Variants in KIF15 observed in about 807,000 individuals in gnomAD.
KIF15 encodes kinesin family member 15, also known as kinesin-like protein KIF15.
In KIF15, 140 loss-of-function variants were observed where a neutral mutation model predicts 190.6. The observed-to-expected ratio is 0.73, with a 90% CI of 0.64 to 0.84. KIF15 has a LOEUF of 0.84. KIF15 is among the 40% of genes least tolerant of loss of function. KIF15 has a pLI of 0.00. For missense variants in KIF15, 1,372 were observed against 1,584.4 expected, an observed-to-expected ratio of 0.87 and a Z score of 2.28; for synonymous variants, 528 against 551.3, an observed-to-expected ratio of 0.96 and a Z score of 0.59.
chr3:44,825,983 T>G, intron 20 of KIF15, 56 bp from the exon 21 acceptor site: 1 of 1,449,296 alleles, frequency 6.9e-7, no homozygotes, highest in Non-Finnish European at 9.4e-7. Context: ...ATGATCTGAT[T>G]AATAGAAATA....
Position 44,802,836 on chromosome 3 carries a change from C to G in KIF15, c.1532C>G (p.Ala511Gly). The G allele has an allele frequency of 6.3e-7, 1 of 1,588,568 alleles. No individual in the cohort carries two copies. The highest frequency in any genetic ancestry group is 2.2e-5 in the East Asian group (1 of 44,514). The change falls in exon 14 of 35, where the codon GCA (alanine) becomes GGA (glycine). Residue 511 changes from alanine to glycine, a missense_variant. Physicochemically the swap from Ala to Gly is moderately conservative, Grantham distance 60 (BLOSUM62 0). Transcript: ENST00000326047. Reference protein sequence around the residue: ...REQIEHHPRVAKYAMENHSLR... With the variant: ...REQIEHHPRVGKYAMENHSLR... The stretch of plus-strand genomic sequence containing the variant: ...CAGATAGAGCACCACCCCAGAGTTG[C>G]AAAGTATGCTATGGAAAATCATTCC...
Position 44,852,775 on chromosome 3 carries a change from A to C in KIF15, c.*40A>C. 6.6e-7 allele frequency: 1 copy of C among 1,519,710 alleles called. No individual in the cohort carries two copies. The allele number at this position is 1,519,710 out of a possible 1,614,324, so 94.1% of individuals were successfully genotyped here. On this transcript the variant is annotated 3_prime_UTR_variant, in exon 35 of 35. Transcript: ENST00000326047. ...TACCTAGGCATCACCTTGTTTGAAGATGTTTCTTCTCTTTTACAAGTAAGA... is the reference window on the plus strand; with the variant it reads ...TACCTAGGCATCACCTTGTTTGAAGCTGTTTCTTCTCTTTTACAAGTAAGA...
chr3:44,820,031 G>C (rs1708192600), intron 20 of KIF15, among the ~76,000 whole-genome samples: 1 of 152,032 alleles, frequency 6.6e-6, no homozygotes, highest in African/African-American at 2.4e-5. Flanking sequence ...ATCTTTGTTG[G>C]TTTAAAGTCT....
At chr3:44,769,117 C>T (rs541957829) in intron 1 of KIF15, among the ~76,000 whole-genome samples, 25 of 152,120 alleles carry the variant, frequency 1.6e-4, no homozygotes, top group Non-Finnish European at 2.5e-4. Flanking sequence ...ATTAACTTTT[C>T]GCAGTTTAGA....
chr3:44,784,861 T>C lies in KIF15; in HGVS notation c.378T>C (p.Asp126=), dbSNP rs1247899418. 2.3e-5 allele frequency: 35 copies of C among 1,549,340 alleles called. No individual in the cohort carries two copies. The highest frequency in any genetic ancestry group is 8.8e-7 in the Non-Finnish European group (1 of 1,135,980). The change falls in exon 6 of 35, where the codon GAT becomes GAC. Residue 126 remains aspartate, a synonymous_variant. Transcript: ENST00000326047. ...TTTTTTTAGGACCATCTGAATCTGA[T>C]AATTTTTCTCATAACCTGAGAGGAG... ...TFTMMGPSES[D]NFSHNLRGVI...
intron 26 of KIF15, among the ~76,000 whole-genome samples, chr3:44,836,861 C>A (rs1004739801): frequency 6.6e-6 from 1 of 152,140 alleles, no homozygotes; most frequent in Non-Finnish European, 1.5e-5. Flanking sequence ...GAAAGGTAAC[C>A]ATGTGTGGAA....
chr3:44,791,185 GTT>G (rs1227815791), intron 7 of KIF15, among the ~76,000 whole-genome samples: 5 of 151,068 alleles, frequency 3.3e-5, no homozygotes, highest in Non-Finnish European at 5.9e-5. Flanking sequence ...TTGCCTTTTT[GTT>G]TTTGATCCAG....
At chr3:44,821,785 G>C (rs1234878647) in intron 20 of KIF15, among the ~76,000 whole-genome samples, 3 of 152,248 alleles carry the variant, frequency 2.0e-5, no homozygotes, top group Admixed American at 2.0e-4. Context: ...CTGGGAGGTG[G>C]AGGTTGTAGC....
intron 5 of KIF15, 22 bp from the exon 6 acceptor site, chr3:44,784,822 TG>T (rs1439504273): frequency 6.2e-6 from 6 of 974,528 alleles, no homozygotes; most frequent in African/African-American, 2.2e-5. Flanking sequence ...AAAAATCCAG[TG>T]TTTTTTTTTT....
At chr3:44,861,970 G>T in intron 6 of KIF15, 1 of 1,393,568 alleles carries the variant, frequency 7.2e-7, no homozygotes, top group Non-Finnish European at 9.3e-7. Flanking sequence ...GTCCGCGACC[G>T]CGTACCCTGA....
intron 26 of KIF15, among the ~76,000 whole-genome samples, chr3:44,835,289 G>T (rs1325643608): frequency 1.3e-5 from 2 of 152,036 alleles, no homozygotes; most frequent in African/African-American, 2.4e-5. Flanking sequence ...ACCCAGGCTG[G>T]AATGTAGTAA....
At chr3:44,805,253 C>T in intron 15 of KIF15, 85 bp downstream of exon 15, 1 of 1,310,986 alleles carries the variant, frequency 7.6e-7, no homozygotes, top group Non-Finnish European at 1.1e-6. Context: ...TTCAATTGGG[C>T]ATTTTACTTT....
chr3:44,855,853 C>T (rs1470765998), downstream of KIF15, among the ~76,000 whole-genome samples: 1 of 152,006 alleles, frequency 6.6e-6, no homozygotes, highest in Non-Finnish European at 1.5e-5. Flanking sequence ...AGAGAGCATC[C>T]AAGGGGATTT....
In KIF15 at chr3:44,836,131, G is replaced by A. The variant is rs535610746; in HGVS notation, c.3172-2144G>A. ...GGAGGCCAAGGCAGGTGGATCACTT[G>A]AGGCCAGGAGCTCAAGACCAGCCTG... On this transcript the variant is annotated intron_variant, in intron 26 of 34. Transcript: ENST00000326047. Among the ~76,000 whole-genome samples, 3 of 152,270 alleles carry A rather than the reference G, an allele frequency of 2.0e-5. No homozygotes were observed. The East Asian group carries it at 5.8e-4, about 29-fold the overall frequency.
chr3:44,798,084 A>G, intron 10 of KIF15, 128 bp downstream of exon 10: 3 of 868,492 alleles, frequency 3.5e-6, no homozygotes, highest in Non-Finnish European at 3.4e-6. Context: ...CAAAATTTCT[A>G]TTTTATCTTT....
chr3:44,783,260 T>A (rs796686070), intron 5 of KIF15, among the ~76,000 whole-genome samples: 65 of 152,274 alleles, frequency 4.3e-4, no homozygotes, highest in African/African-American at 1.3e-3. Context: ...GGCACCAGCA[T>A]CTGCTCGGCT....
At chr3:44,768,140 G>A (rs1052817172) in intron 1 of KIF15, among the ~76,000 whole-genome samples, 4 of 151,890 alleles carry the variant, frequency 2.6e-5, no homozygotes, top group Non-Finnish European at 5.9e-5. Flanking sequence ...CAGGCGTGGT[G>A]GTGCACCCTG....
chr3:44,774,519 A>C lies in KIF15; in HGVS notation c.62+82A>C, dbSNP rs912016655. ...AAAATAACCATTTAGCATAGTAAAG[A>C]GTACTTATTTCAAAATTTAACTTAG... On this transcript the variant is annotated intron_variant, in intron 2 of 34. Coordinates refer to ENST00000326047, the MANE Select transcript of KIF15 (RefSeq NM_020242.3). 4 of 1,231,482 alleles carry C rather than the reference A, an allele frequency of 3.2e-6. No individual in the cohort carries two copies. The African/African-American group carries it at 4.6e-5, about 14-fold the overall frequency. 76.3% of individuals were successfully genotyped at this position (1,231,482 alleles called of 1,614,324 possible).
intron 19 of KIF15, among the ~76,000 whole-genome samples, chr3:44,814,455 G>C (rs1707937547): frequency 6.6e-6 from 1 of 152,094 alleles, no homozygotes; most frequent in East Asian, 1.9e-4. Flanking sequence ...GACCACAGGT[G>C]CTCACCACCA....
Sources: allele counts gnomAD v4.1 joint callset (sites outside exome capture counted in the v4.1 genomes callset), GRCh38; gene constraint gnomAD v4.1.1; transcripts MANE v1.5; gene names NCBI Gene and HGNC (gene_info 2026-07-23, HGNC 2026-07-21).